The following CNBD2 variants were observed in gnomAD, a reference collection of about 807,000 sequenced individuals.
CNBD2 encodes cyclic nucleotide binding domain containing 2.
In CNBD2, 64 loss-of-function variants were observed where a neutral mutation model predicts 63.7. The observed-to-expected ratio is 1.00, with a 90% confidence interval of 0.82 to 1.24. CNBD2 has a LOEUF of 1.24. Ranked by LOEUF, CNBD2 falls within the 50% of genes most tolerant of loss-of-function variation. The pLI is 0.00. For synonymous variants in CNBD2, 229 were observed against 255.4 expected, an observed-to-expected ratio of 0.90 and a Z score of 0.99; for missense variants, 691 against 713.5, an observed-to-expected ratio of 0.97 and a Z score of 0.36.
intron 9 of CNBD2, among the ~76,000 whole-genome samples, chr20:36,009,424 G>A (rs529155624): frequency 5.3e-5 from 8 of 151,724 alleles, no homozygotes; most frequent in Admixed American, 4.6e-4. Flanking sequence ...GGATGGTCTC[G>A]GTCTCCTGAC....
At chr20:36,010,942 G>A (rs900219226) in intron 9 of CNBD2, among the ~76,000 whole-genome samples, 195 bp from the exon 10 acceptor site, 2 of 152,126 alleles carry the variant, frequency 1.3e-5, no homozygotes, top group African/African-American at 4.8e-5. Context: ...CCTCTCCCAA[G>A]TCTCCTCTTT....
Position 35,983,938 on chromosome 20 carries a change from C to T in CNBD2, c.408-44C>T, listed in dbSNP as rs760099843. On this transcript the variant is annotated intron_variant, in intron 4 of 11. Coordinates refer to ENST00000373973, the MANE Select transcript of CNBD2 (RefSeq NM_001365709.1). ...CAGAGCTCCTCTCAGCTTGGACCTGCCCCCATGTCACTACCCAATCAACTA... is the reference window on the plus strand; with the variant it reads ...CAGAGCTCCTCTCAGCTTGGACCTGTCCCCATGTCACTACCCAATCAACTA... The T allele has an allele frequency of 4.3e-6, 7 of 1,611,978 alleles. No individual in the cohort carries two copies. In the Admixed American group the frequency reaches 5.0e-5, roughly 12 times the overall value.
chr20:35,975,452 T>C (rs6060734), intron 2 of CNBD2, among the ~76,000 whole-genome samples: 21,628 of 96,718 alleles, frequency 0.22, 2,286 homozygotes, highest in African/African-American at 0.34. Flanking sequence ...AGGCGCCCGC[T>C]ACCACGCCCG....
At chr20:35,997,245 C>G (rs1388331202) in intron 8 of CNBD2, among the ~76,000 whole-genome samples, 1 of 152,186 alleles carries the variant, frequency 6.6e-6, no homozygotes, top group Non-Finnish European at 1.5e-5. Context: ...ATGCTTCCCC[C>G]CACTTCCCTT....
chr20:36,018,582 C>G (rs758640388), intron 10 of CNBD2, among the ~76,000 whole-genome samples: 2 of 152,190 alleles, frequency 1.3e-5, no homozygotes, highest in African/African-American at 2.4e-5. Context: ...AACCCGCCCC[C>G]TGGAAGGTGG....
intron 3 of CNBD2, among the ~76,000 whole-genome samples, chr20:35,978,118 T>A (rs777675704): frequency 3.3e-5 from 5 of 152,154 alleles, no homozygotes; most frequent in Non-Finnish European, 7.3e-5. Flanking sequence ...AGAAAAACAC[T>A]GAGTGAAGAA....
chr20:35,966,327 C>T (rs2056344605), upstream of CNBD2, among the ~76,000 whole-genome samples: 1 of 152,126 alleles, frequency 6.6e-6, no homozygotes, highest in African/African-American at 2.4e-5. Flanking sequence ...CAAGAGTGGC[C>T]TTTGTCTTTC....
chr20:36,030,445 CAA>C lies in CNBD2; in HGVS notation c.1530_1531del (p.Gln512ThrfsTer16). ...GTTGCAGCTGCTCGTGGAGCCTTGCCAAAGTCAACTGTTCACTCCAAACCGGC... is the reference window on the plus strand; with the variant it reads ...GTTGCAGCTGCTCGTGGAGCCTTGCCAGTCAACTGTTCACTCCAAACCGGC... ...DLLQLLVEPCQSQLFTPNRPK... is the reference protein window; with the variant it reads ...DLLQLLVEPCXSQLFTPNRPK... On this transcript the variant is annotated frameshift_variant, in exon 12 of 12. Coordinates refer to ENST00000373973, the MANE Select transcript of CNBD2 (RefSeq NM_001365709.1). LOFTEE classifies it low-confidence loss of function (END_TRUNC). The C allele has an allele frequency of 6.2e-7, 1 of 1,614,078 alleles. No homozygotes were observed. Among genetic ancestry groups the C allele is most frequent in the Non-Finnish European group, 8.5e-7 (1 of 1,180,028 alleles).
intron 11 of CNBD2, among the ~76,000 whole-genome samples, chr20:36,027,350 C>G (rs1011830980): frequency 2.0e-5 from 3 of 152,162 alleles, no homozygotes; most frequent in African/African-American, 7.2e-5. Context: ...AAGGCTCTGA[C>G]GTGAGATCTT....
chr20:36,013,378 A>G (rs2147339304), intron 10 of CNBD2, among the ~76,000 whole-genome samples: 1 of 152,316 alleles, frequency 6.6e-6, no homozygotes, highest in South Asian at 2.1e-4. Flanking sequence ...AGATCGCGCC[A>G]CTGCACTCCA....
chr20:36,029,102 C>G (rs971804188), intron 11 of CNBD2, among the ~76,000 whole-genome samples: 1 of 152,142 alleles, frequency 6.6e-6, no homozygotes, highest in Non-Finnish European at 1.5e-5. Context: ...GACTAGAAAT[C>G]AATGTGACCA....
chr20:36,011,093 G>C (rs1257589913), intron 9 of CNBD2, 44 bp from the exon 10 acceptor site: 1 of 1,446,080 alleles, frequency 6.9e-7, no homozygotes, highest in African/African-American at 1.4e-5. Context: ...CTCAGGAGCA[G>C]ACTGTGTTAC....
intron 9 of CNBD2, among the ~76,000 whole-genome samples, chr20:36,008,878 T>A (rs1220006062): frequency 2.0e-5 from 3 of 151,896 alleles, no homozygotes; most frequent in Non-Finnish European, 4.4e-5. Context: ...GTGTTTGGAA[T>A]TAAGCCTGGC....
At chr20:35,984,534 A>G (rs1212914017) in intron 5 of CNBD2, 93 bp from the exon 6 acceptor site, 2 of 1,354,786 alleles carry the variant, frequency 1.5e-6, no homozygotes, top group African/African-American at 1.4e-5. Context: ...GAGAGAATTC[A>G]GGGGGAAGAT....
At chr20:36,026,349 G>A (rs1387602334) in intron 11 of CNBD2, among the ~76,000 whole-genome samples, 1 of 151,944 alleles carries the variant, frequency 6.6e-6, no homozygotes, top group Non-Finnish European at 1.5e-5. Context: ...CCCACTTCGG[G>A]ACCACCAAGC....
At chr20:35,976,427 G>T (rs2056519550) in intron 3 of CNBD2, among the ~76,000 whole-genome samples, 1 of 152,172 alleles carries the variant, frequency 6.6e-6, no homozygotes, top group Non-Finnish European at 1.5e-5. Flanking sequence ...TCTCACACCT[G>T]GGTGTCAGAT....
At chr20:36,004,488 G>A (rs1232450602) in intron 8 of CNBD2, among the ~76,000 whole-genome samples, 1 of 152,150 alleles carries the variant, frequency 6.6e-6, no homozygotes, top group Non-Finnish European at 1.5e-5. Context: ...TAGGCAGCAT[G>A]CTGGGGCAGT....
chr20:35,975,460 C>G (rs1291579442), intron 2 of CNBD2, among the ~76,000 whole-genome samples: 3 of 103,440 alleles, frequency 2.9e-5, no homozygotes, highest in African/African-American at 4.3e-5. Flanking sequence ...GCTACCACGC[C>G]CGGCTAATTT....
downstream of CNBD2, chr20:35,959,456 A>C (rs2056288953): frequency 6.6e-6 from 1 of 152,580 alleles, no homozygotes; most frequent in South Asian, 2.1e-4. Flanking sequence ...GGTGGAAGAC[A>C]AGGAGGAGCA....
Sources: allele counts gnomAD v4.1 joint callset (sites outside exome capture counted in the v4.1 genomes callset), GRCh38; gene constraint gnomAD v4.1.1; transcripts MANE v1.5; gene names NCBI Gene and HGNC (gene_info 2026-07-23, HGNC 2026-07-21).